The following CERKL variants were observed in gnomAD, a reference collection of about 807,000 sequenced individuals.
CERKL encodes CERK like autophagy regulator, also known as ceramide kinase-like protein.
A neutral mutation model predicts 63.4 loss-of-function variants in CERKL; 61 were observed. The observed-to-expected ratio is 0.96, with a 90% confidence interval of 0.78 to 1.19. CERKL has a LOEUF of 1.19. Among genes scored for constraint, CERKL ranks in the 50% most tolerant of loss-of-function variants. CERKL has a pLI of 0.00. For synonymous variants in CERKL, 250 were observed against 230.5 expected, an observed-to-expected ratio of 1.08 and a Z score of -0.77; for missense variants, 675 against 655.5, an observed-to-expected ratio of 1.03 and a Z score of -0.33.
chr2:181,580,938 C>G (rs1438136291), intron 2 of CERKL, among the ~76,000 whole-genome samples: 1 of 152,072 alleles, frequency 6.6e-6, no homozygotes, highest in Non-Finnish European at 1.5e-5. Flanking sequence ...GTTAATTGAT[C>G]TGTTTAGATT....
At chr2:181,591,334 G>T (rs1046568720) in intron 2 of CERKL, among the ~76,000 whole-genome samples, 2 of 151,844 alleles carry the variant, frequency 1.3e-5, no homozygotes, top group African/African-American at 4.8e-5. Flanking sequence ...TCTTCTTTTG[G>T]AAACATGTTA....
At chr2:181,554,415 A>G (rs1688117864) in intron 5 of CERKL, among the ~76,000 whole-genome samples, 1 of 152,146 alleles carries the variant, frequency 6.6e-6, no homozygotes. Context: ...TATTCTCCTC[A>G]AATTAATTGG....
chr2:181,577,861 G>A (rs1356539134), intron 2 of CERKL, among the ~76,000 whole-genome samples: 1 of 152,120 alleles, frequency 6.6e-6, no homozygotes, highest in East Asian at 1.9e-4. Context: ...TAATGTCAAA[G>A]CTGGGAAAGG....
At position 181,537,378 on chromosome 2, in the gene CERKL, A is replaced by G. The variant is rs201548342; in HGVS notation, c.*806T>C. ...AGATACAAGGGGAACACAATTACATATTGGGCTAGATTTTGCCCAGTTCAA... is the reference window on the plus strand; with the variant it reads ...AGATACAAGGGGAACACAATTACATGTTGGGCTAGATTTTGCCCAGTTCAA... On this transcript the variant is annotated 3_prime_UTR_variant, in exon 13 of 13. Transcript: ENST00000410087. 3 of 453,856 alleles carry G rather than the reference A, an allele frequency of 6.6e-6. No homozygotes were observed. The highest frequency in any genetic ancestry group is 2.4e-5 in the Admixed American group (1 of 42,542). 28.1% of individuals were successfully genotyped at this position (453,856 alleles called of 1,614,324 possible).
chr2:181,564,241 T>C (rs1688569329), intron 4 of CERKL, among the ~76,000 whole-genome samples: 1 of 152,180 alleles, frequency 6.6e-6, no homozygotes, highest in Non-Finnish European at 1.5e-5. Flanking sequence ...AAAAGGCCAC[T>C]GACTGATATT....
chr2:181,630,880 A>G (rs1281725783), intron 1 of CERKL, among the ~76,000 whole-genome samples: 1 of 152,194 alleles, frequency 6.6e-6, no homozygotes, highest in East Asian at 1.9e-4. Flanking sequence ...ATCAAGGAAA[A>G]CATGGCAAGC....
At position 181,538,263 on chromosome 2, in the gene CERKL, A is replaced by G. The variant is rs1326924240; in HGVS notation, c.1539-19T>C. On this transcript the variant is annotated intron_variant, in intron 12 of 12. Coordinates refer to ENST00000410087, the MANE Select transcript of CERKL (RefSeq NM_201548.5). The stretch of plus-strand genomic sequence containing the variant: ...ATGCAATCTGTAAAGAAAATACATT[A>G]TTTCATCAACTTATTTTGTTGTTTT... 1 of 1,475,976 alleles carries G rather than the reference A, an allele frequency of 6.8e-7. No homozygotes were observed. The highest frequency in any genetic ancestry group is 9.5e-7 in the Non-Finnish European group (1 of 1,056,192). 91.4% of individuals were successfully genotyped at this position (1,475,976 alleles called of 1,614,324 possible). A position where few individuals can be genotyped will look rare whatever the true frequency, so the allele number is the denominator to read the frequency against.
intron 1 of CERKL, among the ~76,000 whole-genome samples, chr2:181,607,851 T>C (rs1031238705): frequency 6.6e-6 from 1 of 152,242 alleles, no homozygotes; most frequent in African/African-American, 2.4e-5. Context: ...GGGGTGTTAC[T>C]GGGTGTCCGC....
chr2:181,584,818 T>C (rs577445850), intron 2 of CERKL, among the ~76,000 whole-genome samples: 6 of 151,752 alleles, frequency 4.0e-5, no homozygotes, highest in Admixed American at 2.6e-4. Flanking sequence ...GCTCCCCGGT[T>C]TTTTTTGTTT....
intron 4 of CERKL, among the ~76,000 whole-genome samples, chr2:181,562,686 G>A (rs1688497508): frequency 1.3e-5 from 2 of 152,070 alleles, no homozygotes; most frequent in Admixed American, 1.3e-4. Flanking sequence ...ATTCTGTCTA[G>A]AAAAGAAACA....
chr2:181,639,685 A>C (rs1687338161), intron 1 of CERKL, among the ~76,000 whole-genome samples: 1 of 152,206 alleles, frequency 6.6e-6, no homozygotes, highest in Admixed American at 6.5e-5. Flanking sequence ...AACATAACCA[A>C]ATGGGGACAG....
chr2:181,642,472 A>C (rs1321450527), intron 1 of CERKL, among the ~76,000 whole-genome samples: 3 of 152,222 alleles, frequency 2.0e-5, no homozygotes, highest in African/African-American at 7.2e-5. Flanking sequence ...TTAAACTGCT[A>C]AGTGTCAAGT....
At chr2:181,544,214 TTGAA>T (rs941727841) in intron 11 of CERKL, among the ~76,000 whole-genome samples, 37 of 152,318 alleles carry the variant, frequency 2.4e-4, no homozygotes, top group African/African-American at 8.7e-4. Context: ...TATTCTCATT[TTGAA>T]TGAATATTTG....
At chr2:181,610,351 T>C (rs1685911498) in intron 1 of CERKL, among the ~76,000 whole-genome samples, 1 of 152,224 alleles carries the variant, frequency 6.6e-6, no homozygotes, top group Non-Finnish European at 1.5e-5. Flanking sequence ...TAAATGATGG[T>C]GCAACTAAAG....
chr2:181,626,335 T>C (rs1485953834), intron 1 of CERKL, among the ~76,000 whole-genome samples: 1 of 151,332 alleles, frequency 6.6e-6, no homozygotes, highest in Non-Finnish European at 1.5e-5. Context: ...TGAAAAAAAC[T>C]CAAGAAAAAC....
At chr2:181,546,995 C>G (rs1438863459) in intron 10 of CERKL, among the ~76,000 whole-genome samples, 4 of 152,058 alleles carry the variant, frequency 2.6e-5, no homozygotes. Context: ...CTGTGCTGCT[C>G]TCATGGTAAT....
rs186414299 is a variant in CERKL at position 181,602,716 on chromosome 2, C to A, written c.481+1121G>T. On this transcript the variant is annotated intron_variant, in intron 2 of 12. Coordinates refer to ENST00000410087, the MANE Select transcript of CERKL (RefSeq NM_201548.5). ...GTTTTCTTCATCAATGATGCTGGAACTGGAAATTTCTAACATGCCTCTGTG... is the reference window on the plus strand; with the variant it reads ...GTTTTCTTCATCAATGATGCTGGAAATGGAAATTTCTAACATGCCTCTGTG... Among the ~76,000 whole-genome samples the A allele has an allele frequency of 6.6e-5, 10 of 152,330 alleles. No individual in the cohort carries two copies. In the East Asian group the frequency reaches 1.9e-3, roughly 29 times the overall value.
intron 4 of CERKL, among the ~76,000 whole-genome samples, chr2:181,565,763 CAAAT>C (rs1162393452): frequency 1.3e-5 from 2 of 151,976 alleles, no homozygotes; most frequent in Non-Finnish European, 2.9e-5. Context: ...ATGGTAAAAG[CAAAT>C]AATTATAGAT....
chr2:181,570,077 G>A (rs770820566), intron 3 of CERKL, among the ~76,000 whole-genome samples: 1 of 152,130 alleles, frequency 6.6e-6, no homozygotes, highest in East Asian at 1.9e-4. Context: ...TATGCATACT[G>A]AAATGGTTTT....
Sources: allele counts gnomAD v4.1 joint callset (sites outside exome capture counted in the v4.1 genomes callset), GRCh38; gene constraint gnomAD v4.1.1; transcripts MANE v1.5; gene names NCBI Gene and HGNC (gene_info 2026-07-23, HGNC 2026-07-21).